The following DMXL2 variants were observed in gnomAD, a reference collection of about 807,000 sequenced individuals.
DMXL2 encodes the protein dmX-like protein 2.
Under a neutral mutation model 331.1 loss-of-function variants are expected in DMXL2, and 103 were observed. The observed-to-expected ratio is 0.31, with a 90% CI of 0.27 to 0.37. The LOEUF (loss-of-function observed/expected upper bound fraction) is 0.37, where lower values mean the gene tolerates loss of function less well. Ranked by LOEUF, DMXL2 falls within the 10% of genes least tolerant of loss-of-function variation. The pLI is 1.00. For synonymous variants in DMXL2, 1,281 were observed against 1,252.1 expected, an observed-to-expected ratio of 1.02 and a Z score of -0.49; for missense variants, 3,171 against 3,642.9, an observed-to-expected ratio of 0.87 and a Z score of 3.33.
intron 23 of DMXL2, among the ~76,000 whole-genome samples, chr15:51,482,489 GA>G (rs535594292): frequency 1.3e-4 from 19 of 151,712 alleles, no homozygotes; most frequent in Non-Finnish European, 1.9e-4. Flanking sequence ...AAATTCTAAG[GA>G]AAAAAAATTT....
rs1054804540 is a variant in DMXL2 at position 51,450,415 on chromosome 15, C to A, written c.8750-69G>T. 14 of 1,446,146 alleles carry A rather than the reference C, an allele frequency of 9.7e-6. No homozygotes were observed. In the African/African-American group the frequency reaches 2.0e-4, roughly 20 times the overall value. The allele number at this position is 1,446,146 out of a possible 1,614,324, so 89.6% of individuals were successfully genotyped here. On this transcript the variant is annotated intron_variant, in intron 42 of 43. Coordinates refer to ENST00000560891, the MANE Select transcript of DMXL2 (RefSeq NM_001378457.1). ...GTCTTGGTAATTATGATGTCTACATCCACATTTAAATACAGACCTTACTGA... is the reference window on the plus strand; with the variant it reads ...GTCTTGGTAATTATGATGTCTACATACACATTTAAATACAGACCTTACTGA...
chr15:51,565,951 G>A (rs944535269), intron 3 of DMXL2, among the ~76,000 whole-genome samples: 3 of 152,092 alleles, frequency 2.0e-5, no homozygotes, highest in African/African-American at 7.2e-5. Flanking sequence ...AAACATAGCT[G>A]CATCCCAACA....
At chr15:51,538,738 C>G (rs994263903) in intron 9 of DMXL2, among the ~76,000 whole-genome samples, 5 of 151,916 alleles carry the variant, frequency 3.3e-5, no homozygotes, top group Non-Finnish European at 7.4e-5. Context: ...AGCAGAAAAG[C>G]AGCTATAAAA....
rs569617620 is a variant in DMXL2 at position 51,503,614 on chromosome 15, A to T, written c.2765-581T>A. On this transcript the variant is annotated intron_variant, in intron 16 of 43. Coordinates refer to ENST00000560891, the MANE Select transcript of DMXL2 (RefSeq NM_001378457.1). ...TGAAGAGACTCTTTAATAGGTACAAACATGAAGGTAGAAGAAATAAGTTCT... is the reference window on the plus strand; with the variant it reads ...TGAAGAGACTCTTTAATAGGTACAATCATGAAGGTAGAAGAAATAAGTTCT... Among the ~76,000 whole-genome samples, 63 of 152,276 alleles carry T rather than the reference A, an allele frequency of 4.1e-4. 1 individual carries two copies. The South Asian group carries it at 9.9e-3, about 24-fold the overall frequency.
At chr15:51,555,085 G>A (rs1369701599) in intron 6 of DMXL2, among the ~76,000 whole-genome samples, 1 of 152,180 alleles carries the variant, frequency 6.6e-6, no homozygotes, top group Non-Finnish European at 1.5e-5. Context: ...TTGAACCCAG[G>A]AGGCAGAGGT....
intron 6 of DMXL2, among the ~76,000 whole-genome samples, chr15:51,561,556 A>C (rs1201214307): frequency 6.6e-6 from 1 of 152,222 alleles, no homozygotes; most frequent in Non-Finnish European, 1.5e-5. Flanking sequence ...TCACAGGTCC[A>C]GGAGGACCAG....
chr15:51,558,898 A>T (rs1032964698), intron 6 of DMXL2, among the ~76,000 whole-genome samples: 7 of 152,208 alleles, frequency 4.6e-5, no homozygotes, highest in Admixed American at 1.3e-4. Context: ...TCACAAACGT[A>T]TTTTTTAATA....
intron 34 of DMXL2, 21 bp downstream of exon 34, chr15:51,459,577 T>G: frequency 3.1e-6 from 4 of 1,289,652 alleles, no homozygotes; most frequent in Non-Finnish European, 4.0e-6. Flanking sequence ...ATGAGCTAAA[T>G]ACAAGATCTT....
intron 1 of DMXL2, among the ~76,000 whole-genome samples, chr15:51,597,849 T>C (rs1221454755): frequency 6.6e-6 from 1 of 152,222 alleles, no homozygotes; most frequent in Non-Finnish European, 1.5e-5. Context: ...AGGTATATAA[T>C]AGAATCTCCT....
In DMXL2 at chr15:51,499,905, A is replaced by C. The variant is rs768390546; in HGVS notation, c.3319T>G (p.Phe1107Val). The change falls in exon 18 of 44, where the codon TTT becomes GTT. Residue 1107 changes from phenylalanine to valine, a missense_variant. Physicochemically the swap from Phe to Val is conservative, Grantham distance 50. Coordinates refer to ENST00000560891, the MANE Select transcript of DMXL2 (RefSeq NM_001378457.1). ...SKEFSMHVCI[F>V]ECESTGGSEW... ...GATCCTCCTGTAGATTCACATTCAA[A>C]TATACAAACATGCATGGAAAATTCT... 3 of 1,614,152 alleles carry C rather than the reference A, an allele frequency of 1.9e-6. No homozygotes were observed. Among genetic ancestry groups the C allele is most frequent in the Non-Finnish European group, 2.5e-6 (3 of 1,180,018 alleles).
intron 22 of DMXL2, among the ~76,000 whole-genome samples, chr15:51,487,255 A>C (rs1239332153): frequency 6.6e-6 from 1 of 152,154 alleles, no homozygotes; most frequent in Non-Finnish European, 1.5e-5. Context: ...CTGGAGTTTC[A>C]GTTCCTTATT....
Position 51,481,525 on chromosome 15 carries a change from T to C in DMXL2, c.5581A>G (p.Thr1861Ala), listed in dbSNP as rs577849075. ...GTTTTGAGACCTAAGGTTGCCAAAG[T>C]TCCTTCAGGGGAGGCAAGATTTCTT... is the stretch of plus-strand genomic sequence containing the variant. ...IRRNLASPEG[T>A]LATLGLKTEK... Residue 1861 changes from threonine to alanine, a missense_variant, in exon 24 of 44, where the codon ACT becomes GCT. This residue lies in a region of DMXL2 where 244 missense variants were observed against 251.4 expected (regional missense o/e 0.97). Coordinates refer to ENST00000560891, the MANE Select transcript of DMXL2 (RefSeq NM_001378457.1). 20 of 1,613,280 alleles carry C rather than the reference T, an allele frequency of 1.2e-5. No individual in the cohort carries two copies. In the South Asian group the frequency reaches 2.0e-4, roughly 16 times the overall value.
intron 1 of DMXL2, among the ~76,000 whole-genome samples, chr15:51,607,418 T>C (rs2053666419): frequency 6.6e-6 from 1 of 151,608 alleles, no homozygotes; most frequent in Non-Finnish European, 1.5e-5. Context: ...ACCGCACCAT[T>C]GCACTCCAGC....
Position 51,622,661 on chromosome 15 carries a change from G to T in DMXL2, c.-116C>A. ...GCCTCCCTCGGAAACCCGCCCCGCG[G>T]AGGCTCTGGCTTAACTCCTCGCCCC... On this transcript the variant is annotated 5_prime_UTR_variant, in exon 1 of 44. Coordinates refer to ENST00000560891, the MANE Select transcript of DMXL2 (RefSeq NM_001378457.1). 6.9e-7 allele frequency: 1 copy of T among 1,449,858 alleles called. No homozygotes were observed. Among genetic ancestry groups the T allele is most frequent in the South Asian group, 1.4e-5 (1 of 70,392 alleles). The allele number at this position is 1,449,858 out of a possible 1,614,324, so 89.8% of individuals were successfully genotyped here. A position where few individuals can be genotyped will look rare whatever the true frequency, so the allele number is the denominator to read the frequency against.
chr15:51,581,801 T>C (rs528971596), intron 1 of DMXL2, among the ~76,000 whole-genome samples: 7 of 152,300 alleles, frequency 4.6e-5, no homozygotes, highest in Admixed American at 2.6e-4. Context: ...TATAGAATAG[T>C]TGGATGTTTT....
chr15:51,538,156 G>C (rs1383529894), intron 10 of DMXL2, 57 bp downstream of exon 10: 28 of 1,547,484 alleles, frequency 1.8e-5, no homozygotes, highest in Non-Finnish European at 2.3e-5. Context: ...ACTAAAAGTG[G>C]TACCACAGAA....
intron 2 of DMXL2, among the ~76,000 whole-genome samples, chr15:51,569,214 A>G (rs1190420016): frequency 6.6e-6 from 1 of 152,126 alleles, no homozygotes; most frequent in Admixed American, 6.5e-5. Flanking sequence ...CTGCTATCAC[A>G]GCATCTGAGG....
chr15:51,576,146 T>G lies in DMXL2; in HGVS notation c.123A>C (p.Ala41=). The change falls in exon 2 of 44, where the codon GCA becomes GCC. Residue 41 remains alanine (A), a synonymous_variant. Coordinates refer to ENST00000560891, the MANE Select transcript of DMXL2 (RefSeq NM_001378457.1). ...TGATCTGTACACATTCAAAGTCATT[T>G]GCCAAAATAACAATATCACAGCCTG... The part of the protein sequence containing the change: ...YGSGCDIVIL[A]NDFECVQIIP... 1.7e-6 allele frequency: 2 copies of G among 1,173,426 alleles called. No individual in the cohort carries two copies. The highest frequency in any genetic ancestry group is 2.4e-6 in the Non-Finnish European group (2 of 848,362). 72.7% of individuals were successfully genotyped at this position (1,173,426 alleles called of 1,614,324 possible). A position where few individuals can be genotyped will look rare whatever the true frequency, so the allele number is the denominator to read the frequency against.
intron 6 of DMXL2, among the ~76,000 whole-genome samples, chr15:51,554,690 G>T (rs12101564): frequency 4.5e-4 from 69 of 152,306 alleles, no homozygotes; most frequent in African/African-American, 1.6e-3. Context: ...AGATGGAGTG[G>T]AGTGTGCAGG....
Sources: gnomAD v4.1 joint callset for allele counts (sites outside exome capture counted in the v4.1 genomes callset) on GRCh38, gnomAD v4.1.1 for gene constraint, gnomAD v4.1.1 regional missense constraint, MANE v1.5 for transcripts, NCBI Gene and HGNC (gene_info 2026-07-23, HGNC 2026-07-21) for gene names.